UNC5D: variants seen among roughly 807,000 people sequenced by gnomAD.
The protein encoded by UNC5D is netrin receptor UNC5D.
A neutral mutation model predicts 105.4 loss-of-function variants in UNC5D; 39 were observed. The observed-to-expected ratio is 0.37, with a 90% confidence interval of 0.29 to 0.48. UNC5D has a LOEUF of 0.48. Among genes scored for constraint, UNC5D ranks in the 20% least tolerant of loss-of-function variants. The pLI is 0.98. For missense variants in UNC5D, 991 were observed against 1,202.4 expected (o/e 0.82, Z 2.60); for synonymous variants, 452 against 450.4 (o/e 1.00, Z -0.04).
At chr8:35,692,992 C>T (rs958169608) in intron 7 of UNC5D, among the ~76,000 whole-genome samples, 1 of 152,088 alleles carries the variant, frequency 6.6e-6, no homozygotes, top group Non-Finnish European at 1.5e-5. Flanking sequence ...TAGATTTGGG[C>T]ACATATGGTG....
Position 35,719,435 on chromosome 8 carries a change from A to AAAGAAAG in UNC5D, c.1118-2764_1118-2758dup, listed in dbSNP as rs527685481. 1.5e-4 allele frequency among the ~76,000 whole-genome samples: 23 copies of AAAGAAAG among 152,280 alleles called. No homozygotes were observed. The East Asian group carries it at 4.3e-3, about 28-fold the overall frequency. On this transcript the variant is annotated intron_variant, in intron 8 of 16. Coordinates refer to ENST00000404895, the MANE Select transcript of UNC5D (RefSeq NM_080872.4). ...ATCGAAGAGAGAAGGGTAAAAAAGA[A>AAAGAAAG]AAGAAAGAAGAAAGAAGCACAGTGA...
At chr8:35,290,660 G>C (rs1370904681) in intron 1 of UNC5D, among the ~76,000 whole-genome samples, 1 of 152,056 alleles carries the variant, frequency 6.6e-6, no homozygotes, top group Non-Finnish European at 1.5e-5. Flanking sequence ...AAAAAAAGAA[G>C]TGTGGAGGCC....
intron 1 of UNC5D, among the ~76,000 whole-genome samples, chr8:35,500,867 T>C (rs1460281673): frequency 2.0e-5 from 3 of 152,230 alleles, no homozygotes; most frequent in African/African-American, 7.2e-5. Context: ...AAGTATGACA[T>C]TTTAAAATGT....
chr8:35,249,774 G>A (rs1005539255), intron 1 of UNC5D, among the ~76,000 whole-genome samples: 5 of 151,902 alleles, frequency 3.3e-5, no homozygotes, highest in African/African-American at 1.2e-4. Flanking sequence ...CCACCTTGCT[G>A]GAGAAGTGTT....
chr8:35,716,182 T>C (rs1313820121), intron 8 of UNC5D, among the ~76,000 whole-genome samples: 1 of 152,182 alleles, frequency 6.6e-6, no homozygotes, highest in Non-Finnish European at 1.5e-5. Context: ...CAGACATGTG[T>C]TCAAAGCCTG....
At chr8:35,352,193 A>G (rs920052454) in intron 1 of UNC5D, among the ~76,000 whole-genome samples, 5 of 152,138 alleles carry the variant, frequency 3.3e-5, no homozygotes, top group African/African-American at 7.2e-5. Context: ...GTATGATTCT[A>G]TATTTATTGA....
At chr8:35,382,793 C>T (rs1021174456) in intron 1 of UNC5D, among the ~76,000 whole-genome samples, 2 of 152,168 alleles carry the variant, frequency 1.3e-5, no homozygotes, top group African/African-American at 4.8e-5. Flanking sequence ...ATTCTGCATG[C>T]CCCTGGACGG....
At chr8:35,606,742 TAGC>T (rs1175106845) in intron 4 of UNC5D, among the ~76,000 whole-genome samples, 2 of 152,214 alleles carry the variant, frequency 1.3e-5, no homozygotes, top group African/African-American at 4.8e-5. Flanking sequence ...TCTGGTAAGA[TAGC>T]AGCCAAAAGC....
At chr8:35,591,291 G>T (rs184785212) in intron 3 of UNC5D, among the ~76,000 whole-genome samples, 1 of 151,870 alleles carries the variant, frequency 6.6e-6, no homozygotes, top group Admixed American at 6.6e-5. Context: ...ATTTGATTAA[G>T]TATACTCTGA....
Position 35,235,526 on chromosome 8 carries a change from G to C in UNC5D, c.-259G>C. On this transcript the variant is annotated 5_prime_UTR_variant, in exon 1 of 17. Transcript: ENST00000404895. ...CGAGGGCTGGGAACTGCGCGGCGGG[G>C]ACTGCGGGCGACTCCGGCATCCGCG... The C allele has an allele frequency of 3.0e-6, 1 of 338,980 alleles. No individual in the cohort carries two copies. The allele number at this position is 338,980 out of a possible 1,614,324, so 21.0% of individuals were successfully genotyped here. A position where few individuals can be genotyped will look rare whatever the true frequency, so the allele number is the denominator to read the frequency against.
chr8:35,791,377 T>C lies in UNC5D; in HGVS notation c.*814T>C, dbSNP rs1247381958. 1 of 152,254 alleles carries C rather than the reference T, an allele frequency of 6.6e-6. No individual in the cohort carries two copies. Among genetic ancestry groups the C allele is most frequent in the Non-Finnish European group, 1.5e-5 (1 of 68,092 alleles). The allele number at this position is 152,254 out of a possible 1,614,324, so 9.4% of individuals were successfully genotyped here. On this transcript the variant is annotated 3_prime_UTR_variant, in exon 17 of 17. Transcript: ENST00000404895. The stretch of plus-strand genomic sequence containing the variant: ...TTCCCATCTAAGCCACTCAAATTGC[T>C]GAGTGCTATTAGAACACAGCTTATT...
At chr8:35,597,086 G>A (rs577980240) in intron 4 of UNC5D, among the ~76,000 whole-genome samples, 1 of 152,218 alleles carries the variant, frequency 6.6e-6, no homozygotes, top group East Asian at 1.9e-4. Flanking sequence ...AGTAAAATTG[G>A]GATTTTGTAA....
At chr8:35,684,899 T>G in intron 6 of UNC5D, 150 bp downstream of exon 6, 1 of 1,044,880 alleles carries the variant, frequency 9.6e-7, no homozygotes, top group South Asian at 2.4e-5. Context: ...GTAAAGCTCA[T>G]TGTCATGGCA....
At chr8:35,614,995 A>AGGC (rs1461989250) in intron 4 of UNC5D, among the ~76,000 whole-genome samples, 1 of 143,718 alleles carries the variant, frequency 7.0e-6, no homozygotes, top group Non-Finnish European at 1.5e-5. Context: ...GAATCGCTTG[A>AGGC]GGCCAGGAGT....
chr8:35,621,187 C>A (rs1429066057), intron 4 of UNC5D, among the ~76,000 whole-genome samples: 5 of 152,150 alleles, frequency 3.3e-5, no homozygotes, highest in Non-Finnish European at 7.3e-5. Flanking sequence ...CATTAAGATG[C>A]TCTCTACAGC....
At chr8:35,453,761 ATG>A (rs1479117095) in intron 1 of UNC5D, among the ~76,000 whole-genome samples, 1 of 152,052 alleles carries the variant, frequency 6.6e-6, no homozygotes, top group Non-Finnish European at 1.5e-5. Context: ...ACTTTCAAAC[ATG>A]TGTTTCTAAA....
At chr8:35,631,048 C>G (rs906205010) in intron 4 of UNC5D, among the ~76,000 whole-genome samples, 1 of 152,210 alleles carries the variant, frequency 6.6e-6, no homozygotes, top group Non-Finnish European at 1.5e-5. Flanking sequence ...CACAGTGGCT[C>G]AAGCCTGTAA....
chr8:35,561,576 G>A (rs1326859380), intron 2 of UNC5D, among the ~76,000 whole-genome samples: 1 of 152,132 alleles, frequency 6.6e-6, no homozygotes, highest in Non-Finnish European at 1.5e-5. Context: ...ATCATAGCAA[G>A]TTTTGTGTTT....
intron 1 of UNC5D, among the ~76,000 whole-genome samples, chr8:35,415,390 A>G (rs1805463585): frequency 6.6e-6 from 1 of 152,070 alleles, no homozygotes; most frequent in Non-Finnish European, 1.5e-5. Context: ...CACTTCTTTT[A>G]TGGATTGAAT....
Sources: allele counts gnomAD v4.1 joint callset (sites outside exome capture counted in the v4.1 genomes callset), GRCh38; gene constraint gnomAD v4.1.1; transcripts MANE v1.5; gene names NCBI Gene and HGNC (gene_info 2026-07-23, HGNC 2026-07-21).